Variants in CSN1S1 observed in about 807,000 individuals in gnomAD.
The protein encoded by CSN1S1 is alpha-S1-casein.
CSN1S1 carries 63 observed loss-of-function variants against 49.1 expected under a neutral mutation model. That is an observed-to-expected ratio of 1.28 (90% CI 1.05 to 1.58). CSN1S1 has a LOEUF of 1.58. Ranked by LOEUF, CSN1S1 falls within the 40% of genes most tolerant of loss-of-function variation. The pLI, the probability that CSN1S1 is intolerant of heterozygous loss-of-function variation, is 0.00. For synonymous variants in CSN1S1, 78 were observed against 67.1 expected (o/e 1.16, Z -0.79); for missense variants, 260 against 224.7 (o/e 1.16, Z -1.01).
intron 4 of CSN1S1, among the ~76,000 whole-genome samples, chr4:69,935,535 T>C (rs1038535122): frequency 6.6e-6 from 1 of 152,100 alleles, no homozygotes; most frequent in Admixed American, 6.6e-5. Context: ...GAAATTGCCT[T>C]AAAACAAAGT....
chr4:69,934,705 A>C lies in CSN1S1; in HGVS notation c.100A>C (p.Ser34Arg), dbSNP rs754778966. The C allele has an allele frequency of 1.9e-6, 3 of 1,609,702 alleles. No homozygotes were observed. Among genetic ancestry groups the C allele is most frequent in the East Asian group, 4.5e-5 (2 of 44,760 alleles). The part of the protein sequence containing the change: ...PERLQNPSES[S>R]EPIPLESREE... Reference sequence around the variant, plus strand: ...TTTTTTACAGAATCCATCAGAGAGCAGTGAGGTAAGCTCTGTTTATGGGGA... The same window carrying C: ...TTTTTTACAGAATCCATCAGAGAGCCGTGAGGTAAGCTCTGTTTATGGGGA... Residue 34 changes from serine to arginine, a missense_variant, in exon 4 of 16, where the codon AGT (serine) becomes CGT (arginine). Coordinates refer to ENST00000246891, the MANE Select transcript of CSN1S1 (RefSeq NM_001890.2).
chr4:69,941,853 T>TA (rs1722977462), intron 12 of CSN1S1, among the ~76,000 whole-genome samples, 193 bp from the exon 13 acceptor site: 1 of 151,880 alleles, frequency 6.6e-6, no homozygotes, highest in Non-Finnish European at 1.5e-5. Flanking sequence ...GTACCATAGA[T>TA]ATGATATGGC....
chr4:69,931,411 T>C (rs1722603374), intron 1 of CSN1S1, among the ~76,000 whole-genome samples: 1 of 151,980 alleles, frequency 6.6e-6, no homozygotes. Flanking sequence ...GTAAGCTAAT[T>C]TAAATTATTT....
At chr4:69,932,090 C>T (rs1047857100) in intron 1 of CSN1S1, among the ~76,000 whole-genome samples, 3 of 151,820 alleles carry the variant, frequency 2.0e-5, no homozygotes, top group African/African-American at 2.4e-5. Flanking sequence ...AAAAGAGAAG[C>T]TCATTTTCAA....
At chr4:69,936,067 G>A in intron 5 of CSN1S1, 118 bp downstream of exon 5, 1 of 773,422 alleles carries the variant, frequency 1.3e-6, no homozygotes, top group Non-Finnish European at 2.1e-6. Context: ...AAATTTGAGT[G>A]GAACAAACTT....
chr4:69,937,651 A>G, intron 8 of CSN1S1, 149 bp from the exon 9 acceptor site: 1 of 589,090 alleles, frequency 1.7e-6, no homozygotes, highest in East Asian at 3.3e-5. Context: ...GCTCAGAGAT[A>G]AAGTAGGCAG....
rs1361466994 is a variant in CSN1S1 at position 69,934,231 on chromosome 4, C to A, written c.71C>A (p.Pro24Gln). The change falls in exon 3 of 16, where the codon CCA becomes CAA. Residue 24 changes from proline to glutamine, a missense_variant. Physicochemically the swap from Pro to Gln is moderately conservative, Grantham distance 76. Transcript: ENST00000246891. ...LARPKLPLRY[P>Q]ERLQNPSESS... is the part of the protein sequence containing the mutation. ...TCACAGAAACTTCCTCTTAGATACC[C>A]AGAACGCCTTCAGGTAAATATTCTA... 3.8e-5 allele frequency: 62 copies of A among 1,610,516 alleles called. No homozygotes were observed. The highest frequency in any genetic ancestry group is 5.1e-5 in the Non-Finnish European group (60 of 1,178,116).
chr4:69,941,190 C>A, intron 12 of CSN1S1, 130 bp downstream of exon 12: 1 of 458,052 alleles, frequency 2.2e-6, no homozygotes, highest in Non-Finnish European at 3.8e-6. Context: ...TAGCCTTGAC[C>A]AATAATTGGC....
intron 14 of CSN1S1, among the ~76,000 whole-genome samples, chr4:69,943,402 C>T (rs1723045792): frequency 6.6e-6 from 1 of 151,844 alleles, no homozygotes; most frequent in Non-Finnish European, 1.5e-5. Context: ...CCAGGTTGGT[C>T]TCAAACTCCT....
intron 2 of CSN1S1, among the ~76,000 whole-genome samples, chr4:69,933,099 AG>A (rs1722660637): frequency 6.6e-6 from 1 of 151,728 alleles, no homozygotes; most frequent in African/African-American, 2.4e-5. Context: ...TCCCCCAAGA[AG>A]GGATAGAAAA....
At chr4:69,933,025 A>G (rs942088216) in intron 2 of CSN1S1, among the ~76,000 whole-genome samples, 6 of 151,922 alleles carry the variant, frequency 3.9e-5, no homozygotes, top group African/African-American at 1.4e-4. Flanking sequence ...CACATGTTCC[A>G]ATGTATCCTA....
At chr4:69,932,482 T>G in intron 1 of CSN1S1, 62 bp from the exon 2 acceptor site, 2 of 1,446,718 alleles carry the variant, frequency 1.4e-6, no homozygotes, top group South Asian at 1.2e-5. Flanking sequence ...TCAAGAATTT[T>G]TTTCAGGAAA....
At chr4:69,940,131 A>G in intron 11 of CSN1S1, 87 bp downstream of exon 11, 1 of 517,250 alleles carries the variant, frequency 1.9e-6, no homozygotes, top group Non-Finnish European at 3.2e-6. Context: ...ACACACACAC[A>G]CACACACACA....
chr4:69,937,687 T>C (rs1722831880), intron 8 of CSN1S1, 113 bp from the exon 9 acceptor site: 3 of 816,218 alleles, frequency 3.7e-6, no homozygotes, highest in East Asian at 5.9e-5. Context: ...TTATTACTTT[T>C]ATATTGTCTC....
intron 12 of CSN1S1, among the ~76,000 whole-genome samples, chr4:69,941,511 C>T (rs1560390030): frequency 6.6e-6 from 1 of 151,866 alleles, no homozygotes; most frequent in Non-Finnish European, 1.5e-5. Flanking sequence ...ATCTGCTTAA[C>T]ACTGGTTTTG....
intron 3 of CSN1S1, 75 bp from the exon 4 acceptor site, chr4:69,934,615 T>C (rs772764928): frequency 7.2e-7 from 1 of 1,393,974 alleles, no homozygotes; most frequent in East Asian, 2.3e-5. Flanking sequence ...ACCACAACTT[T>C]CTATGAGCAC....
At position 69,946,310 on chromosome 4, in the gene CSN1S1, T is replaced by C. The variant is rs1452675002; in HGVS notation, c.*114T>C. The C allele has an allele frequency of 1.3e-5, 5 of 382,198 alleles. No individual in the cohort carries two copies. Among genetic ancestry groups the C allele is most frequent in the African/African-American group, 1.0e-4 (5 of 48,308 alleles). 23.7% of individuals were successfully genotyped at this position (382,198 alleles called of 1,614,324 possible). A position where few individuals can be genotyped will look rare whatever the true frequency, so the allele number is the denominator to read the frequency against. On this transcript the variant is annotated 3_prime_UTR_variant, in exon 16 of 16. Coordinates refer to ENST00000246891, the MANE Select transcript of CSN1S1 (RefSeq NM_001890.2). ...TCCCATATTGAAGGAAATTGTTCTT[T>C]TTGAGTTATCTACTTAATAGCATAT... is the stretch of plus-strand genomic sequence containing the variant.
At chr4:69,938,682 A>G (rs1722884025) in intron 9 of CSN1S1, among the ~76,000 whole-genome samples, 1 of 151,924 alleles carries the variant, frequency 6.6e-6, no homozygotes, top group South Asian at 2.1e-4. Context: ...TTGAAGAAAA[A>G]GTAAATATTT....
At chr4:69,939,065 T>C (rs569749273) in intron 9 of CSN1S1, 111 bp from the exon 10 acceptor site, 2 of 664,732 alleles carry the variant, frequency 3.0e-6, no homozygotes, top group East Asian at 2.8e-5. Context: ...ATACCACTTA[T>C]TCAGTTATAA....
Sources: gnomAD v4.1 joint callset for allele counts (sites outside exome capture counted in the v4.1 genomes callset) on GRCh38, gnomAD v4.1.1 for gene constraint, MANE v1.5 for transcripts, NCBI Gene and HGNC (gene_info 2026-07-23, HGNC 2026-07-21) for gene names.